The following CLDN9 variants were observed in gnomAD, a reference collection of about 807,000 sequenced individuals.
CLDN9 encodes the protein claudin 9.
In CLDN9, 14 loss-of-function variants were observed where a neutral mutation model predicts 10.1. The ratio of observed to expected loss-of-function variants is 1.38; its 90% CI spans 0.91 to 2.16. The LOEUF (loss-of-function observed/expected upper bound fraction) is 2.16, where lower values mean the gene tolerates loss of function less well. CLDN9 is among the 30% of genes most tolerant of loss of function. CLDN9 has a pLI of 0.00. For synonymous variants in CLDN9, 162 were observed against 143.1 expected, an observed-to-expected ratio of 1.13 and a Z score of -0.95; for missense variants, 332 against 294.8, an observed-to-expected ratio of 1.13 and a Z score of -0.93.
In CLDN9 at chr16:3,013,319, C is replaced by T. The variant is rs1009913106; in HGVS notation, c.-44C>T. ...AGCACACCAGACACACCCTCTGAGT[C>T]ACCTAGGCCGCCTGGGGCTGAGAAG... On this transcript the variant is annotated 5_prime_UTR_variant, in exon 1 of 1. Coordinates refer to ENST00000445369, the MANE Select transcript of CLDN9 (RefSeq NM_020982.4). This position sits in a 1 kb window ranked among gnomAD's most constrained non-coding sequence, Gnocchi z 6.4. 2 of 1,566,652 alleles carry T rather than the reference C, an allele frequency of 1.3e-6. No homozygotes were observed. Among genetic ancestry groups the T allele is most frequent in the Non-Finnish European group, 1.7e-6 (2 of 1,160,088 alleles).
Position 3,013,560 on chromosome 16 carries a change from G to A in CLDN9, c.198G>A (p.Val66=). Residue 66 remains valine (V), a synonymous_variant, in exon 1 of 1, where the codon GTG becomes GTA. Coordinates refer to ENST00000445369, the MANE Select transcript of CLDN9 (RefSeq NM_020982.4). The surrounding 1 kb of genome is among the most constrained non-coding windows in gnomAD (Gnocchi z 6.4). ...GCACGGGCCAGATGCAGTGCAAGGT[G>A]TACGACTCACTGCTGGCTCTGCCGC... is the stretch of plus-strand genomic sequence containing the variant. ...VQSTGQMQCK[V]YDSLLALPQD... 1 of 1,614,034 alleles carries A rather than the reference G, an allele frequency of 6.2e-7. No individual in the cohort carries two copies. The highest frequency in any genetic ancestry group is 1.1e-5 in the South Asian group (1 of 91,090).
rs773530388 is a variant in CLDN9 at position 3,013,923 on chromosome 16, G to C, written c.561G>C (p.Pro187=). 7 of 1,586,730 alleles carry C rather than the reference G, an allele frequency of 4.4e-6. No individual in the cohort carries two copies. The highest frequency in any genetic ancestry group is 1.1e-5 in the South Asian group (1 of 88,326). ...GGCTCCTCTGCTGCACGTGCCCCCCGCCCCAGGTCGAGCGGCCCCGCGGAC... is the reference window on the plus strand; with the variant it reads ...GGCTCCTCTGCTGCACGTGCCCCCCCCCCCAGGTCGAGCGGCCCCGCGGAC... The part of the protein sequence containing the change: ...GGGLLCCTCP[P]PQVERPRGPR... The change falls in exon 1 of 1, where the codon CCG becomes CCC. Residue 187 remains proline (P), a synonymous_variant. Transcript: ENST00000445369. This position sits in a 1 kb window ranked among gnomAD's most constrained non-coding sequence, Gnocchi z 6.4.
Position 3,013,175 on chromosome 16 carries a change from G to A in CLDN9, c.-188G>A, listed in dbSNP as rs996352134. The stretch of plus-strand genomic sequence containing the variant: ...TGCTCCGCGAGGACCAGAAACACCT[G>A]CAAGAGGCACGGAGAGGAGGCGCCT... On this transcript the variant is annotated 5_prime_UTR_variant, in exon 1 of 1. Coordinates refer to ENST00000445369, the MANE Select transcript of CLDN9 (RefSeq NM_020982.4). This position sits in a 1 kb window ranked among gnomAD's most constrained non-coding sequence, Gnocchi z 6.4. 3 of 643,090 alleles carry A rather than the reference G, an allele frequency of 4.7e-6. No homozygotes were observed. The highest frequency in any genetic ancestry group is 3.7e-5 in the African/African-American group (2 of 54,628). The allele number at this position is 643,090 out of a possible 1,614,324, so 39.8% of individuals were successfully genotyped here.
Position 3,014,174 on chromosome 16 carries a change from G to A in CLDN9, c.*158G>A. On this transcript the variant is annotated 3_prime_UTR_variant, in exon 1 of 1. Coordinates refer to ENST00000445369, the MANE Select transcript of CLDN9 (RefSeq NM_020982.4). ...ACCTGGCTGCAGGGCTGGGTCAGCT[G>A]GCCTGGCTGAGCTCTTCTCAGTGGG... The A allele has an allele frequency of 1.2e-6, 1 of 817,728 alleles. No homozygotes were observed. The highest frequency in any genetic ancestry group is 1.8e-6 in the Non-Finnish European group (1 of 541,316). The allele number at this position is 817,728 out of a possible 1,614,324, so 50.7% of individuals were successfully genotyped here. A position where few individuals can be genotyped will look rare whatever the true frequency, so the allele number is the denominator to read the frequency against.
Sources: gnomAD v4.1 joint callset for allele counts on GRCh38, gnomAD v4.1.1 for gene constraint, Gnocchi (gnomAD v3.1) non-coding constraint, MANE v1.5 for transcripts, NCBI Gene and HGNC (gene_info 2026-07-23, HGNC 2026-07-21) for gene names.